LRP1B: variants seen among roughly 807,000 people sequenced by gnomAD.
LRP1B encodes the protein low-density lipoprotein receptor-related protein 1B.
LRP1B carries 217 observed loss-of-function variants against 556.6 expected under a neutral mutation model. That is an observed-to-expected ratio of 0.39 (90% CI 0.35 to 0.44). The LOEUF (loss-of-function observed/expected upper bound fraction) is 0.44, where lower values mean the gene tolerates loss of function less well. Among genes scored for constraint, LRP1B ranks in the 20% least tolerant of loss-of-function variants. The pLI, the probability that LRP1B is intolerant of heterozygous loss-of-function variation, is 1.00. For synonymous variants in LRP1B, 2,047 were observed against 1,865.8 expected (o/e 1.10, Z -2.50); for missense variants, 5,053 against 5,620.8 (o/e 0.90, Z 3.23).
intron 31 of LRP1B, among the ~76,000 whole-genome samples, chr2:140,830,375 C>T (rs190527744): frequency 1.6e-3 from 247 of 152,086 alleles, no homozygotes; most frequent in African/African-American, 4.7e-3. Context: ...AAACCAAATT[C>T]GACAACATAT....
intron 66 of LRP1B, among the ~76,000 whole-genome samples, chr2:140,388,183 A>G (rs1683850181): frequency 6.6e-6 from 1 of 152,034 alleles, no homozygotes; most frequent in Non-Finnish European, 1.5e-5. Flanking sequence ...GTGATCCGCC[A>G]GTCTCAGCCT....
chr2:140,251,463 G>C (rs1241147652), intron 86 of LRP1B, among the ~76,000 whole-genome samples: 1 of 151,740 alleles, frequency 6.6e-6, no homozygotes, highest in Non-Finnish European at 1.5e-5. Flanking sequence ...ACCCACTTTG[G>C]GAGGACTTCA....
At chr2:141,106,759 A>C (rs1274009106) in intron 7 of LRP1B, among the ~76,000 whole-genome samples, 1 of 152,148 alleles carries the variant, frequency 6.6e-6, no homozygotes, top group African/African-American at 2.4e-5. Flanking sequence ...CCGCTGAACT[A>C]TTCTGTAGCG....
chr2:142,121,203 C>A (rs201093778), intron 1 of LRP1B, among the ~76,000 whole-genome samples: 5 of 152,164 alleles, frequency 3.3e-5, no homozygotes. Context: ...CCATCAACAT[C>A]TTTTCCAGGA....
At chr2:141,019,705 C>A (rs143299969) in intron 12 of LRP1B, among the ~76,000 whole-genome samples, 1 of 151,774 alleles carries the variant, frequency 6.6e-6, no homozygotes, top group African/African-American at 2.4e-5. Flanking sequence ...TACATCTTTG[C>A]GCAGTAATCT....
chr2:140,292,476 G>A (rs573277837), intron 84 of LRP1B, among the ~76,000 whole-genome samples: 6 of 151,986 alleles, frequency 3.9e-5, no homozygotes, highest in Admixed American at 2.0e-4. Flanking sequence ...TGCTACTTCC[G>A]CTTTGCATAT....
At chr2:140,314,550 A>C (rs775587256) in intron 83 of LRP1B, among the ~76,000 whole-genome samples, 1 of 152,118 alleles carries the variant, frequency 6.6e-6, no homozygotes, top group Non-Finnish European at 1.5e-5. Flanking sequence ...CATTTAAAAT[A>C]ATCCTAATTT....
chr2:141,880,548 A>C (rs1438426987), intron 1 of LRP1B, among the ~76,000 whole-genome samples: 2 of 152,090 alleles, frequency 1.3e-5, no homozygotes, highest in Non-Finnish European at 2.9e-5. Context: ...AAAAGGAAAT[A>C]AAAATTAGAC....
chr2:141,077,375 C>T (rs1015871429), intron 7 of LRP1B, among the ~76,000 whole-genome samples: 11 of 152,192 alleles, frequency 7.2e-5, no homozygotes, highest in South Asian at 4.1e-4. Flanking sequence ...CAGATTGTTT[C>T]GATCACACTT....
intron 7 of LRP1B, among the ~76,000 whole-genome samples, chr2:141,135,947 T>C (rs1049287666): frequency 1.3e-5 from 2 of 148,816 alleles, no homozygotes; most frequent in South Asian, 2.1e-4. Flanking sequence ...CACATACAAA[T>C]AGAAATGATT....
At chr2:141,293,363 T>C (rs1686048925) in intron 3 of LRP1B, among the ~76,000 whole-genome samples, 1 of 152,186 alleles carries the variant, frequency 6.6e-6, no homozygotes, top group Admixed American at 6.5e-5. Context: ...TCAATAATTA[T>C]GTGGTTTAGG....
At chr2:140,747,126 T>C (rs1402929459) in intron 35 of LRP1B, among the ~76,000 whole-genome samples, 2 of 152,104 alleles carry the variant, frequency 1.3e-5, no homozygotes, top group South Asian at 2.1e-4. Context: ...CAAAAGTGAG[T>C]TGCAAAAAGC....
At chr2:141,136,731 G>T (rs1423438444) in intron 7 of LRP1B, among the ~76,000 whole-genome samples, 2 of 151,582 alleles carry the variant, frequency 1.3e-5, no homozygotes, top group Admixed American at 1.3e-4. Context: ...TACATAAATT[G>T]CTATTAATGC....
intron 1 of LRP1B, among the ~76,000 whole-genome samples, chr2:141,893,668 T>C (rs569372446): frequency 9.8e-5 from 15 of 152,326 alleles, no homozygotes; most frequent in Admixed American, 6.5e-4. Flanking sequence ...TATTCACTTG[T>C]AGGTTTTTCC....
intron 2 of LRP1B, among the ~76,000 whole-genome samples, chr2:141,506,360 C>G (rs1217211933): frequency 6.6e-6 from 1 of 152,146 alleles, no homozygotes; most frequent in African/African-American, 2.4e-5. Flanking sequence ...GACATGCTAT[C>G]TGTTCCTTCT....
At chr2:141,536,638 T>C (rs1435589141) in intron 2 of LRP1B, among the ~76,000 whole-genome samples, 1 of 151,994 alleles carries the variant, frequency 6.6e-6, no homozygotes, top group Non-Finnish European at 1.5e-5. Context: ...CTAAATAAAT[T>C]GCAAAGAAAG....
At chr2:141,726,084 A>G (rs1693019404) in intron 2 of LRP1B, among the ~76,000 whole-genome samples, 2 of 151,682 alleles carry the variant, frequency 1.3e-5, no homozygotes, top group Admixed American at 1.3e-4. Context: ...ATTAGAAAAT[A>G]CAAATTATTT....
At chr2:140,585,012 G>A (rs1414208142) in intron 43 of LRP1B, among the ~76,000 whole-genome samples, 3 of 151,302 alleles carry the variant, frequency 2.0e-5, no homozygotes, top group African/African-American at 7.3e-5. Flanking sequence ...TCAGACTTTG[G>A]GTATATTGCT....
At chr2:140,747,775 A>G (rs915147720) in intron 35 of LRP1B, among the ~76,000 whole-genome samples, 2 of 152,070 alleles carry the variant, frequency 1.3e-5, no homozygotes, top group African/African-American at 4.8e-5. Flanking sequence ...GTGACCTGAA[A>G]CAGCTAGCAT....
Sources: gnomAD v4.1 joint callset for allele counts (sites outside exome capture counted in the v4.1 genomes callset) on GRCh38, gnomAD v4.1.1 for gene constraint, MANE v1.5 for transcripts, NCBI Gene and HGNC (gene_info 2026-07-23, HGNC 2026-07-21) for gene names.